MDGA2: variants seen among roughly 807,000 people sequenced by gnomAD.
The protein encoded by MDGA2 is MAM domain containing glycosylphosphatidylinositol anchor 2.
MDGA2 carries 40 observed loss-of-function variants against 117.8 expected under a neutral mutation model. The observed-to-expected ratio is 0.34, with a 90% CI of 0.26 to 0.44. MDGA2 has a LOEUF of 0.44. Among genes scored for constraint, MDGA2 ranks in the 20% least tolerant of loss-of-function variants. The pLI, the probability that MDGA2 is intolerant of heterozygous loss-of-function variation, is 1.00. For synonymous variants in MDGA2, 452 were observed against 439.0 expected (o/e 1.03, Z -0.37); for missense variants, 1,123 against 1,250.6 (o/e 0.90, Z 1.54).
At chr14:47,107,862 G>A (rs1242022410) in intron 5 of MDGA2, among the ~76,000 whole-genome samples, 2 of 151,242 alleles carry the variant, frequency 1.3e-5, no homozygotes. Flanking sequence ...ACTTTTAGAG[G>A]CCCTCAAAAT....
intron 8 of MDGA2, among the ~76,000 whole-genome samples, chr14:47,026,776 T>C (rs2138611574): frequency 6.6e-6 from 1 of 152,226 alleles, no homozygotes; most frequent in East Asian, 1.9e-4. Flanking sequence ...TTTATATATG[T>C]GTTTATGTTC....
chr14:47,622,807 A>C (rs1897073939), intron 1 of MDGA2, among the ~76,000 whole-genome samples: 1 of 152,174 alleles, frequency 6.6e-6, no homozygotes, highest in African/African-American at 2.4e-5. Flanking sequence ...GGTCATAGTC[A>C]TGGGGAAGTA....
intron 1 of MDGA2, among the ~76,000 whole-genome samples, chr14:47,428,813 T>C (rs947717354): frequency 6.6e-6 from 1 of 151,976 alleles, no homozygotes; most frequent in Non-Finnish European, 1.5e-5. Context: ...TACATACATA[T>C]ATATATAAAC....
intron 3 of MDGA2, among the ~76,000 whole-genome samples, chr14:47,195,064 T>C (rs367755349): frequency 6.6e-6 from 1 of 152,054 alleles, no homozygotes. Context: ...AATTCTCATA[T>C]TTTGGCATAA....
chr14:47,164,330 G>A (rs1390052196), intron 3 of MDGA2, among the ~76,000 whole-genome samples: 1 of 151,756 alleles, frequency 6.6e-6, no homozygotes, highest in Non-Finnish European at 1.5e-5. Context: ...CATTTCTGGA[G>A]AAAATTTTTA....
At position 47,476,028 on chromosome 14, in the gene MDGA2, A is replaced by T. The variant is rs1594876673; in HGVS notation, c.281-174478T>A. On this transcript the variant is annotated intron_variant, in intron 1 of 16. Transcript: ENST00000399232. The stretch of plus-strand genomic sequence containing the variant: ...AAAGTTTAAGAATAAAAATAAAATA[A>T]AAGAATAAACTTAAAGTAAAAAAAA... 3.3e-5 allele frequency among the ~76,000 whole-genome samples: 5 copies of T among 152,354 alleles called. 1 individual carries two copies. The highest frequency in any genetic ancestry group is 3.3e-4 in the Admixed American group (5 of 15,300).
At chr14:46,868,090 G>A (rs1036077752) in intron 14 of MDGA2, among the ~76,000 whole-genome samples, 11 of 151,856 alleles carry the variant, frequency 7.2e-5, no homozygotes, top group East Asian at 1.9e-4. Flanking sequence ...TGTTGTTTCC[G>A]AGAATCAAAT....
chr14:46,884,557 A>C lies in MDGA2; in HGVS notation c.2239-2336T>G, dbSNP rs1259705890. 1.3e-5 allele frequency among the ~76,000 whole-genome samples: 2 copies of C among 152,186 alleles called. No individual in the cohort carries two copies. Among genetic ancestry groups the C allele is most frequent in the Admixed American group, 6.6e-5 (1 of 15,254 alleles). On this transcript the variant is annotated intron_variant, in intron 10 of 16. Transcript: ENST00000399232. This position sits in a 1 kb window ranked among gnomAD's most constrained non-coding sequence, Gnocchi z 4.1. ...GACTGCTACATTTCTGGAAATAAAA[A>C]CTACAATATGTGTGCTACAGCACAG...
At chr14:47,512,526 C>G (rs912317521) in intron 1 of MDGA2, among the ~76,000 whole-genome samples, 1 of 152,102 alleles carries the variant, frequency 6.6e-6, no homozygotes, top group Non-Finnish European at 1.5e-5. Flanking sequence ...CTTTCAAATG[C>G]CAAAGATTTG....
At chr14:47,669,901 G>A (rs564090965) in intron 1 of MDGA2, among the ~76,000 whole-genome samples, 15 of 152,044 alleles carry the variant, frequency 9.9e-5, no homozygotes, top group Non-Finnish European at 1.9e-4. Context: ...GCTTTGCTAT[G>A]AGAATGGCAA....
intron 1 of MDGA2, among the ~76,000 whole-genome samples, chr14:47,303,552 A>G (rs1889349290): frequency 1.3e-5 from 2 of 152,278 alleles, no homozygotes; most frequent in African/African-American, 4.8e-5. Flanking sequence ...TTTGGACTTC[A>G]ATTTAGATAA....
intron 1 of MDGA2, among the ~76,000 whole-genome samples, chr14:47,411,844 C>A (rs1373867739): frequency 6.6e-6 from 1 of 152,166 alleles, no homozygotes; most frequent in Non-Finnish European, 1.5e-5. Context: ...CATATTAGAT[C>A]ATTTGATATA....
intron 1 of MDGA2, among the ~76,000 whole-genome samples, chr14:47,633,879 A>G (rs7151268): frequency 0.045 from 6,873 of 152,212 alleles, 145 homozygotes; most frequent in Middle Eastern, 0.068. Flanking sequence ...TAACATAAGG[A>G]TTGGTGCAAA....
intron 14 of MDGA2, chr14:46,870,911 T>C (rs1481308249): frequency 6.6e-6 from 1 of 151,986 alleles, no homozygotes; most frequent in Non-Finnish European, 1.5e-5. Flanking sequence ...AAGGTGAACA[T>C]ATTTTATGAC....
At chr14:47,013,878 C>G (rs1029157634) in intron 8 of MDGA2, among the ~76,000 whole-genome samples, 2 of 148,720 alleles carry the variant, frequency 1.3e-5, no homozygotes, top group African/African-American at 4.9e-5. Context: ...CTCACTGCAC[C>G]TCCGCCTCCT....
In MDGA2 at chr14:47,247,173, C is replaced by T. The variant is rs529673819; in HGVS notation, c.421-28978G>A. ...AAACCTTGCAGGACAAGAGGTGCTG[C>T]GTCTGCTGAACCTGCATCTTTGGGA... On this transcript the variant is annotated intron_variant, in intron 2 of 16. Coordinates refer to ENST00000399232, the MANE Select transcript of MDGA2 (RefSeq NM_001113498.3). Among the ~76,000 whole-genome samples the T allele has an allele frequency of 2.0e-5, 3 of 151,726 alleles. 1 individual carries two copies. The highest frequency in any genetic ancestry group is 4.4e-5 in the Non-Finnish European group (3 of 67,798).
rs564063933 is a variant in MDGA2, at chr14:47,502,736, G to A, written c.280+171781C>T. ...CAGTCTGTAGTTGAAGTGCAGTGGCGTGATCATAGATCACTGCAGCTTCCA... is the reference window on the plus strand; with the variant it reads ...CAGTCTGTAGTTGAAGTGCAGTGGCATGATCATAGATCACTGCAGCTTCCA... On this transcript the variant is annotated intron_variant, in intron 1 of 16. Transcript: ENST00000399232. Among the ~76,000 whole-genome samples, 104 of 152,142 alleles carry A rather than the reference G, an allele frequency of 6.8e-4. 2 individuals are homozygous for A. Among genetic ancestry groups the A allele is most frequent in the Middle Eastern group, 6.8e-3 (2 of 294 alleles).
Position 46,975,782 on chromosome 14 carries a change from G to A in MDGA2, c.1820-18139C>T, listed in dbSNP as rs185194035. ...TATTTCTCAGAGTTCTAAAGGCAGG[G>A]AAGTTCAAGATCAGGAAACCAGCAG... On this transcript the variant is annotated intron_variant, in intron 8 of 16. Transcript: ENST00000399232. Among the ~76,000 whole-genome samples the A allele has an allele frequency of 5.3e-5, 8 of 152,140 alleles. No individual in the cohort carries two copies. In the East Asian group the frequency reaches 1.5e-3, roughly 29 times the overall value.
At position 47,643,439 on chromosome 14, in the gene MDGA2, T is replaced by C. The variant is rs551212140; in HGVS notation, c.280+31078A>G. 6.8e-4 allele frequency among the ~76,000 whole-genome samples: 104 copies of C among 152,200 alleles called. 1 individual carries two copies. The highest frequency in any genetic ancestry group is 2.4e-3 in the African/African-American group (101 of 41,570). ...TCTCTACACCATCAGATTTGCTATA[T>C]GGAAATTACCTACATAAATAGCATA... On this transcript the variant is annotated intron_variant, in intron 1 of 16. Transcript: ENST00000399232.
Sources: gnomAD v4.1 joint callset for allele counts (sites outside exome capture counted in the v4.1 genomes callset) on GRCh38, gnomAD v4.1.1 for gene constraint, Gnocchi (gnomAD v3.1) non-coding constraint, MANE v1.5 for transcripts, NCBI Gene and HGNC (gene_info 2026-07-23, HGNC 2026-07-21) for gene names.